Variants in SKAP2 observed in about 807,000 individuals in gnomAD.
The protein encoded by SKAP2 is src kinase associated phosphoprotein 2.
A neutral mutation model predicts 54.9 loss-of-function variants in SKAP2; 28 were observed. The ratio of observed to expected loss-of-function variants is 0.51; its 90% CI spans 0.38 to 0.70. The LOEUF (loss-of-function observed/expected upper bound fraction) is 0.70. SKAP2 is among the 30% of genes least tolerant of loss of function. SKAP2 has a pLI of 0.00. For missense variants in SKAP2, 356 were observed against 424.1 expected (o/e 0.84, Z 1.41); for synonymous variants, 137 against 134.3 (o/e 1.02, Z -0.14).
Position 26,726,919 on chromosome 7 carries a change from C to T in SKAP2, c.557G>A (p.Cys186Tyr), listed in dbSNP as rs1787721449. 6.2e-7 allele frequency: 1 copy of T among 1,610,586 alleles called. No individual in the cohort carries two copies. Among genetic ancestry groups the T allele is most frequent in the South Asian group, 1.1e-5 (1 of 90,760 alleles). Reference sequence around the variant, plus strand: ...TTTATCAGGAGCAGAGATTTCAAAACAGCAATCTTTCTTTCCATCCTTTCT... The same window carrying T: ...TTTATCAGGAGCAGAGATTTCAAAATAGCAATCTTTCTTTCCATCCTTTCT... ...TLRKDGKKDC[C>Y]FEISAPDKRI... Residue 186 changes from cysteine (C) to tyrosine (Y), a missense_variant, in exon 7 of 13, where the codon TGT becomes TAT. Physicochemically the swap from Cys to Tyr is radical, Grantham distance 194. Coordinates refer to ENST00000345317, the MANE Select transcript of SKAP2 (RefSeq NM_003930.5).
At chr7:26,844,201 C>T in intron 3 of SKAP2, 64 bp from the exon 4 acceptor site, 1 of 947,242 alleles carries the variant, frequency 1.1e-6, no homozygotes, top group South Asian at 1.4e-5. Context: ...AGTAATGTTA[C>T]TTAATGTTAA....
intron 9 of SKAP2, among the ~76,000 whole-genome samples, chr7:26,709,985 C>T (rs565014804): frequency 6.6e-6 from 1 of 152,280 alleles, no homozygotes; most frequent in African/African-American, 2.4e-5. Flanking sequence ...TATGGGGGAT[C>T]AGCCATGCTT....
At chr7:26,805,425 G>A (rs1784006233) in intron 4 of SKAP2, among the ~76,000 whole-genome samples, 1 of 152,106 alleles carries the variant, frequency 6.6e-6, no homozygotes, top group Non-Finnish European at 1.5e-5. Context: ...CCCTTGAATG[G>A]GGGTCAACTT....
intron 10 of SKAP2, among the ~76,000 whole-genome samples, chr7:26,689,526 G>A (rs1482749958): frequency 6.6e-6 from 1 of 152,134 alleles, no homozygotes; most frequent in Admixed American, 6.6e-5. Context: ...ATTAGTACTT[G>A]GGGATATGTG....
intron 6 of SKAP2, among the ~76,000 whole-genome samples, chr7:26,727,871 TAACA>T (rs1787740698): frequency 1.3e-5 from 2 of 152,136 alleles, no homozygotes; most frequent in African/African-American, 4.8e-5. Context: ...TTTCCTAGAT[TAACA>T]AACAATATTA....
chr7:26,702,208 G>A (rs1329080195), intron 9 of SKAP2, among the ~76,000 whole-genome samples: 1 of 152,074 alleles, frequency 6.6e-6, no homozygotes, highest in Non-Finnish European at 1.5e-5. Context: ...AAGTTGGAGT[G>A]CAGTGGCATG....
chr7:26,725,528 C>G lies in SKAP2; in HGVS notation c.696G>C (p.Glu232Asp). The G allele has an allele frequency of 1.2e-6, 2 of 1,609,908 alleles. No individual in the cohort carries two copies. Among genetic ancestry groups the G allele is most frequent in the Non-Finnish European group, 1.7e-6 (2 of 1,178,426 alleles). The stretch of plus-strand genomic sequence containing the variant: ...CAACATCATCATATAATTCTCCTCT[C>G]TCATCATAATCCTCAGGAATAATAT... ...ESDIIPEDYDERGELYDDVDH... is the reference protein window; with the variant it reads ...ESDIIPEDYDDRGELYDDVDH... The change falls in exon 9 of 13, where the codon GAG (glutamate) becomes GAC (aspartate). Residue 232 changes from glutamate to aspartate, a missense_variant. By Grantham distance (45) the Glu-to-Asp change is conservative. Coordinates refer to ENST00000345317, the MANE Select transcript of SKAP2 (RefSeq NM_003930.5).
chr7:26,710,734 C>T (rs1787282773), intron 9 of SKAP2, among the ~76,000 whole-genome samples: 1 of 152,162 alleles, frequency 6.6e-6, no homozygotes, highest in Admixed American at 6.5e-5. Context: ...CCATTCAACA[C>T]TTTGGAGCAG....
chr7:26,789,293 T>C (rs549016857), intron 4 of SKAP2, among the ~76,000 whole-genome samples: 1 of 152,322 alleles, frequency 6.6e-6, no homozygotes, highest in East Asian at 1.9e-4. Flanking sequence ...CACAATAATA[T>C]CTGATGTCCA....
At chr7:26,736,666 G>C (rs1474233656) in intron 6 of SKAP2, among the ~76,000 whole-genome samples, 3 of 152,094 alleles carry the variant, frequency 2.0e-5, no homozygotes, top group Non-Finnish European at 4.4e-5. Flanking sequence ...TCTTGCATGA[G>C]ATCCAAGAAC....
chr7:26,829,090 A>C (rs1444626298), intron 4 of SKAP2, among the ~76,000 whole-genome samples: 1 of 152,192 alleles, frequency 6.6e-6, no homozygotes, highest in Non-Finnish European at 1.5e-5. Context: ...AAACTTCGTC[A>C]AAATGCAAAA....
intron 1 of SKAP2, chr7:26,857,467 C>T (rs981424031): frequency 2.0e-6 from 2 of 985,288 alleles, no homozygotes; most frequent in African/African-American, 1.7e-5. Flanking sequence ...CTTTTAGAAT[C>T]GAATGAAACC....
intron 4 of SKAP2, among the ~76,000 whole-genome samples, chr7:26,807,491 CTG>C (rs1284741734): frequency 6.6e-6 from 1 of 152,190 alleles, no homozygotes; most frequent in Admixed American, 6.5e-5. Context: ...CTTTAACTTT[CTG>C]CCATGATTTT....
At chr7:26,719,125 T>C (rs991308234) in intron 9 of SKAP2, among the ~76,000 whole-genome samples, 4 of 151,886 alleles carry the variant, frequency 2.6e-5, no homozygotes, top group Non-Finnish European at 5.9e-5. Flanking sequence ...CAGTGAGCCA[T>C]GAATGCACCA....
intron 4 of SKAP2, among the ~76,000 whole-genome samples, chr7:26,764,830 C>T (rs986092655): frequency 1.3e-5 from 2 of 152,038 alleles, no homozygotes; most frequent in African/African-American, 4.8e-5. Context: ...GGATTACAGG[C>T]GTGAGCCACG....
chr7:26,762,548 T>C (rs1442834294), intron 4 of SKAP2, among the ~76,000 whole-genome samples: 1 of 151,858 alleles, frequency 6.6e-6, no homozygotes, highest in African/African-American at 2.4e-5. Flanking sequence ...AAAAAAATAG[T>C]GATGCCCAGC....
At chr7:26,732,511 C>T (rs550226878) in intron 6 of SKAP2, among the ~76,000 whole-genome samples, 8 of 152,252 alleles carry the variant, frequency 5.3e-5, no homozygotes, top group African/African-American at 1.9e-4. Flanking sequence ...TAACTTGGCA[C>T]AAATGGCTAG....
At chr7:26,720,718 G>A (rs1385534448) in intron 9 of SKAP2, among the ~76,000 whole-genome samples, 1 of 152,104 alleles carries the variant, frequency 6.6e-6, no homozygotes, top group Non-Finnish European at 1.5e-5. Flanking sequence ...TGGCAGCATC[G>A]AGAAGAATGA....
chr7:26,684,657 A>C, intron 11 of SKAP2, 79 bp downstream of exon 11: 1 of 785,516 alleles, frequency 1.3e-6, no homozygotes, highest in Non-Finnish European at 2.2e-6. Context: ...ATTCTTCCCT[A>C]GCTCTGTAAA....
Sources: gnomAD v4.1 joint callset for allele counts (sites outside exome capture counted in the v4.1 genomes callset) on GRCh38, gnomAD v4.1.1 for gene constraint, MANE v1.5 for transcripts, NCBI Gene and HGNC (gene_info 2026-07-23, HGNC 2026-07-21) for gene names.